The following ST18 variants were observed in gnomAD, a reference collection of about 807,000 sequenced individuals.
ST18 encodes the protein ST18 C2H2C-type zinc finger transcription factor, also known as suppression of tumorigenicity 18 protein.
Under a neutral mutation model 110.0 loss-of-function variants are expected in ST18, and 50 were observed. That is an observed-to-expected ratio of 0.45 (90% CI 0.36 to 0.58). ST18 has a LOEUF of 0.58. ST18 is among the 20% of genes least tolerant of loss of function. ST18 has a pLI of 0.00. For missense variants in ST18, 1,306 were observed against 1,280.1 expected (o/e 1.02, Z -0.31); for synonymous variants, 461 against 452.4 (o/e 1.02, Z -0.24).
intron 9 of ST18, 64 bp downstream of exon 9, chr8:52,180,058 A>G: frequency 6.6e-7 from 1 of 1,522,800 alleles, no homozygotes; most frequent in Non-Finnish European, 9.0e-7. Context: ...CACACTCTAC[A>G]TGAATTAGCA....
chr8:52,311,649 G>C (rs1184433505), intron 2 of ST18, among the ~76,000 whole-genome samples: 1 of 152,210 alleles, frequency 6.6e-6, no homozygotes, highest in African/African-American at 2.4e-5. Flanking sequence ...GGGAAAGCAA[G>C]CATGTCTTAT....
At chr8:52,356,689 A>G (rs1822897483) in intron 2 of ST18, among the ~76,000 whole-genome samples, 1 of 152,168 alleles carries the variant, frequency 6.6e-6, no homozygotes, top group Non-Finnish European at 1.5e-5. Flanking sequence ...TTAAAATTTA[A>G]ATATTTTCAA....
chr8:52,211,938 C>A, intron 8 of ST18, 141 bp downstream of exon 8: 1 of 768,470 alleles, frequency 1.3e-6, no homozygotes, highest in South Asian at 1.5e-5. Flanking sequence ...CTTCTTGGTG[C>A]ATACACAACG....
intron 15 of ST18, among the ~76,000 whole-genome samples, chr8:52,155,368 A>C (rs987202818): frequency 1.3e-5 from 2 of 152,208 alleles, no homozygotes; most frequent in Non-Finnish European, 2.9e-5. Flanking sequence ...TGGTACAAAT[A>C]TGTTATATAT....
At chr8:52,295,954 G>C (rs2095629836) in intron 2 of ST18, among the ~76,000 whole-genome samples, 1 of 151,922 alleles carries the variant, frequency 6.6e-6, no homozygotes, top group South Asian at 2.1e-4. Context: ...CAGCTGCATG[G>C]GATGAGTGGT....
At chr8:52,254,615 C>G (rs2094467037) in intron 2 of ST18, among the ~76,000 whole-genome samples, 1 of 152,150 alleles carries the variant, frequency 6.6e-6, no homozygotes, top group African/African-American at 2.4e-5. Flanking sequence ...AGCAGATGGC[C>G]AGGGATGATA....
intron 2 of ST18, among the ~76,000 whole-genome samples, chr8:52,270,663 T>C (rs987037733): frequency 6.6e-6 from 1 of 152,086 alleles, no homozygotes; most frequent in Non-Finnish European, 1.5e-5. Flanking sequence ...ACCCTGAATA[T>C]ACGCAACTTT....
In ST18 at chr8:52,131,939, G is replaced by A; in HGVS notation, c.2666+19C>T. 6.2e-7 allele frequency: 1 copy of A among 1,612,646 alleles called. No individual in the cohort carries two copies. Among genetic ancestry groups the A allele is most frequent in the South Asian group, 1.1e-5 (1 of 90,902 alleles). On this transcript the variant is annotated intron_variant, in intron 22 of 25. Coordinates refer to ENST00000689386, the MANE Select transcript of ST18 (RefSeq NM_001352837.2). Reference sequence around the variant, plus strand: ...ACCGATCACAACACTACAACAAAAAGACAGAAAACTCATGTTACCTTCGGT... The same window carrying A: ...ACCGATCACAACACTACAACAAAAAAACAGAAAACTCATGTTACCTTCGGT...
intron 19 of ST18, 23 bp downstream of exon 19, chr8:52,136,567 C>A (rs747838308): frequency 1.2e-6 from 2 of 1,601,016 alleles, no homozygotes; most frequent in Non-Finnish European, 1.7e-6. Context: ...GAAGGGCAAG[C>A]CGGCCACGCT....
chr8:52,283,876 A>G (rs2095426778), intron 2 of ST18, among the ~76,000 whole-genome samples: 1 of 152,172 alleles, frequency 6.6e-6, no homozygotes. Flanking sequence ...GAAGCACGGG[A>G]GGTTTAAGAA....
chr8:52,401,035 G>A (rs903546525), intron 2 of ST18, among the ~76,000 whole-genome samples: 1 of 152,040 alleles, frequency 6.6e-6, no homozygotes, highest in African/African-American at 2.4e-5. Context: ...CTTAGCTTTT[G>A]CTTCTCTGGC....
chr8:52,181,296 C>T (rs1295830123), intron 8 of ST18, among the ~76,000 whole-genome samples: 5 of 152,054 alleles, frequency 3.3e-5, no homozygotes. Context: ...ATGACTAAAT[C>T]CTCAGGAATA....
At position 52,133,020 on chromosome 8, in the gene ST18, A is replaced by G. The variant is rs764184960; in HGVS notation, c.2444+37T>C. The G allele has an allele frequency of 2.5e-6, 4 of 1,607,594 alleles. No individual in the cohort carries two copies. In the South Asian group the frequency reaches 4.4e-5, roughly 18 times the overall value. ...AGTTCCCTCCCATTTTACCAACAAGAGACAGCTGACCCCCATGTCTCAACT... is the reference window on the plus strand; with the variant it reads ...AGTTCCCTCCCATTTTACCAACAAGGGACAGCTGACCCCCATGTCTCAACT... On this transcript the variant is annotated intron_variant, in intron 21 of 25. Coordinates refer to ENST00000689386, the MANE Select transcript of ST18 (RefSeq NM_001352837.2).
chr8:52,375,123 C>G (rs530474997), intron 2 of ST18, among the ~76,000 whole-genome samples: 8 of 152,024 alleles, frequency 5.3e-5, no homozygotes, highest in Non-Finnish European at 1.2e-4. Flanking sequence ...CTCTTTATCT[C>G]TCTCTCTCTC....
chr8:52,303,018 AT>A (rs1352825458), intron 2 of ST18, among the ~76,000 whole-genome samples: 1 of 152,194 alleles, frequency 6.6e-6, no homozygotes, highest in African/African-American at 2.4e-5. Flanking sequence ...AAGAATCCTT[AT>A]TTATTAAAAA....
At chr8:52,188,228 G>A (rs775983633) in intron 8 of ST18, among the ~76,000 whole-genome samples, 3 of 152,128 alleles carry the variant, frequency 2.0e-5, no homozygotes, top group Non-Finnish European at 2.9e-5. Flanking sequence ...GCAGAGAAGC[G>A]AAACAGGAAA....
intron 15 of ST18, among the ~76,000 whole-genome samples, chr8:52,155,682 T>C (rs1419389864): frequency 6.6e-6 from 1 of 152,180 alleles, no homozygotes; most frequent in Admixed American, 6.5e-5. Flanking sequence ...CGTTATATTT[T>C]TAGAGTGTGT....
At chr8:52,189,189 A>G (rs2073570001) in intron 8 of ST18, among the ~76,000 whole-genome samples, 1 of 152,154 alleles carries the variant, frequency 6.6e-6, no homozygotes, top group African/African-American at 2.4e-5. Flanking sequence ...AAGAGTAGAA[A>G]GGGTGCACAG....
intron 7 of ST18, among the ~76,000 whole-genome samples, chr8:52,212,963 T>G (rs1456380612): frequency 6.6e-6 from 1 of 152,188 alleles, no homozygotes; most frequent in East Asian, 1.9e-4. Flanking sequence ...ATGCTGATAT[T>G]TATGGCAGGC....
Sources: allele counts gnomAD v4.1 joint callset (sites outside exome capture counted in the v4.1 genomes callset), GRCh38; gene constraint gnomAD v4.1.1; transcripts MANE v1.5; gene names NCBI Gene and HGNC (gene_info 2026-07-23, HGNC 2026-07-21).